The following PAK1 variants were observed in gnomAD, a reference collection of about 807,000 sequenced individuals.
PAK1 encodes the protein p21 (RAC1) activated kinase 1.
In PAK1, 29 loss-of-function variants were observed where a neutral mutation model predicts 67.4. That is an observed-to-expected ratio of 0.43 (90% CI 0.32 to 0.59). The LOEUF is 0.59. PAK1 is among the 20% of genes least tolerant of loss of function. The probability of loss-of-function intolerance (pLI) is 0.07; values close to 1 mark genes in which losing one functional copy is unlikely to be tolerated. For missense variants in PAK1, 337 were observed against 670.7 expected (o/e 0.50, Z 5.50); for synonymous variants, 223 against 237.4 (o/e 0.94, Z 0.56).
intron 2 of PAK1, among the ~76,000 whole-genome samples, chr11:77,390,771 G>C (rs1201408055): frequency 6.7e-6 from 1 of 150,102 alleles, no homozygotes; most frequent in Non-Finnish European, 1.5e-5. Flanking sequence ...CAAAGTGTTG[G>C]GATTACAGGC....
At chr11:77,515,153 T>G in the PAK1 span, among the ~76,000 whole-genome samples, 1 of 152,218 alleles carries the variant, frequency 6.6e-6, no homozygotes, top group South Asian at 2.1e-4. Context: ...CACTCATATT[T>G]CATAGGTTTC....
chr11:77,515,295 T>C, the PAK1 span, among the ~76,000 whole-genome samples: 131 of 152,350 alleles, frequency 8.6e-4, no homozygotes, highest in Non-Finnish European at 1.6e-3. Context: ...TTCTCATTTG[T>C]GTCATGGCGG....
At chr11:77,452,242 C>T (rs1038163815) in intron 1 of PAK1, among the ~76,000 whole-genome samples, 2 of 152,086 alleles carry the variant, frequency 1.3e-5, no homozygotes, top group African/African-American at 4.8e-5. Flanking sequence ...AAATAGGAAA[C>T]TGGTGCTTAA....
In PAK1 at chr11:77,432,702, G is replaced by A. The variant is rs547625572; in HGVS notation, c.-21-40161C>T. ...CTATATTCACAGATGACATAATCTT[G>A]TATATAGAAAATTCTAAGGAATCAA... On this transcript the variant is annotated intron_variant, in intron 1 of 14. Transcript: ENST00000356341. 3.3e-5 allele frequency among the ~76,000 whole-genome samples: 5 copies of A among 151,808 alleles called. No homozygotes were observed. The South Asian group carries it at 1.0e-3, about 32-fold the overall frequency.
chr11:77,399,783 C>A (rs1362391479), intron 1 of PAK1, among the ~76,000 whole-genome samples: 1 of 117,946 alleles, frequency 8.5e-6, no homozygotes, highest in African/African-American at 3.1e-5. Flanking sequence ...GGCGTGAACC[C>A]GGGAGGCGGA....
chr11:77,374,286 TC>T, intron 5 of PAK1, 41 bp downstream of exon 5: 1 of 1,365,204 alleles, frequency 7.3e-7, no homozygotes, highest in Non-Finnish European at 1.0e-6. Context: ...GATCCTTACC[TC>T]CACATCTGCC....
chr11:77,481,491 A>C, the PAK1 span, among the ~76,000 whole-genome samples: 1 of 151,978 alleles, frequency 6.6e-6, no homozygotes, highest in Non-Finnish European at 1.5e-5. Flanking sequence ...CCTGGCCAAC[A>C]AGGTGAAACC....
At chr11:77,331,479 T>A (rs562181505) in intron 14 of PAK1, among the ~76,000 whole-genome samples, 1 of 152,314 alleles carries the variant, frequency 6.6e-6, no homozygotes, top group African/African-American at 2.4e-5. Flanking sequence ...GTTCATGTCC[T>A]TTGTAGGGAC....
intron 1 of PAK1, among the ~76,000 whole-genome samples, chr11:77,472,855 C>CA (rs11436251): frequency 1 from 152,360 of 152,360 alleles, 76,180 homozygotes; most frequent in Non-Finnish European, 1. Context: ...CTCACAACGC[C>CA]ACACCCACTA....
chr11:77,463,142 T>A (rs1462030128), intron 1 of PAK1, among the ~76,000 whole-genome samples: 1 of 152,066 alleles, frequency 6.6e-6, no homozygotes. Context: ...GAGTATCAAG[T>A]AAGAGTATAG....
chr11:77,337,212 A>C (rs888298672), intron 12 of PAK1, 112 bp downstream of exon 12: 6 of 546,532 alleles, frequency 1.1e-5, no homozygotes, highest in Non-Finnish European at 2.0e-5. Context: ...ATCCCATGAA[A>C]TCATAAAGAC....
At chr11:77,462,185 G>C (rs1049743123) in intron 1 of PAK1, among the ~76,000 whole-genome samples, 2 of 151,988 alleles carry the variant, frequency 1.3e-5, no homozygotes, top group African/African-American at 4.8e-5. Flanking sequence ...AAAAAAATTA[G>C]CCAGGCGTGG....
At chr11:77,431,408 C>T (rs1955852845) in intron 1 of PAK1, among the ~76,000 whole-genome samples, 2 of 152,090 alleles carry the variant, frequency 1.3e-5, no homozygotes, top group South Asian at 4.1e-4. Flanking sequence ...AACTGACCTA[C>T]CCAATGTTTA....
At chr11:77,358,567 C>T (rs1175189112) in intron 6 of PAK1, among the ~76,000 whole-genome samples, 1 of 152,102 alleles carries the variant, frequency 6.6e-6, no homozygotes, top group East Asian at 1.9e-4. Context: ...TCCCTGGAGA[C>T]TGGAATAATT....
At chr11:77,392,086 A>G (rs1951211819) in intron 2 of PAK1, among the ~76,000 whole-genome samples, 1 of 152,212 alleles carries the variant, frequency 6.6e-6, no homozygotes, top group African/African-American at 2.4e-5. Flanking sequence ...ATCACTTCAG[A>G]TTGTCCCAAA....
intron 1 of PAK1, among the ~76,000 whole-genome samples, chr11:77,393,209 T>C (rs1951364670): frequency 6.6e-6 from 1 of 151,872 alleles, no homozygotes; most frequent in Non-Finnish European, 1.5e-5. Context: ...CAGCAAAAGT[T>C]TGCTAACCCC....
At chr11:77,366,114 T>C (rs772696472) in intron 5 of PAK1, among the ~76,000 whole-genome samples, 23 of 152,120 alleles carry the variant, frequency 1.5e-4, no homozygotes, top group Non-Finnish European at 2.6e-4. Flanking sequence ...CCAACAAAAC[T>C]ATCCTTCAAA....
chr11:77,468,556 G>A (rs1371800189), intron 1 of PAK1, among the ~76,000 whole-genome samples: 2 of 152,146 alleles, frequency 1.3e-5, no homozygotes, highest in Non-Finnish European at 2.9e-5. Context: ...TCCAAATACT[G>A]GATAAAGCCT....
At chr11:77,324,951 A>C (rs1939431280) in intron 14 of PAK1, among the ~76,000 whole-genome samples, 1 of 152,222 alleles carries the variant, frequency 6.6e-6, no homozygotes, top group South Asian at 2.1e-4. Flanking sequence ...TAGCTAAATC[A>C]TGAAGATATG....
Sources: gnomAD v4.1 joint callset for allele counts (sites outside exome capture counted in the v4.1 genomes callset) on GRCh38, gnomAD v4.1.1 for gene constraint, MANE v1.5 for transcripts, NCBI Gene and HGNC (gene_info 2026-07-23, HGNC 2026-07-21) for gene names.